PIK3R3: variants seen among roughly 807,000 people sequenced by gnomAD.
The protein encoded by PIK3R3 is phosphoinositide-3-kinase regulatory subunit 3, also known as phosphatidylinositol 3-kinase regulatory subunit gamma.
Under a neutral mutation model 62.9 loss-of-function variants are expected in PIK3R3, and 64 were observed. The ratio of observed to expected loss-of-function variants is 1.02; its 90% CI spans 0.83 to 1.25. PIK3R3 has a LOEUF of 1.25. Ranked by LOEUF, PIK3R3 falls within the 50% of genes most tolerant of loss-of-function variation. PIK3R3 has a pLI of 0.00. For missense variants in PIK3R3, 614 were observed against 561.6 expected, an observed-to-expected ratio of 1.09 and a Z score of -0.94; for synonymous variants, 165 against 189.0, an observed-to-expected ratio of 0.87 and a Z score of 1.04.
intron 1 of PIK3R3, among the ~76,000 whole-genome samples, chr1:46,088,960 A>AT (rs1651348578): frequency 6.6e-6 from 1 of 152,194 alleles, no homozygotes; most frequent in Non-Finnish European, 1.5e-5. Flanking sequence ...AACACTGAAG[A>AT]TAAACCTTCC....
the PIK3R3 span, among the ~76,000 whole-genome samples, chr1:46,173,521 C>T: frequency 6.6e-6 from 1 of 152,284 alleles, no homozygotes; most frequent in East Asian, 1.9e-4. Context: ...TCAGCTAACC[C>T]AGGCCCTTCC....
intron 7 of PIK3R3, among the ~76,000 whole-genome samples, chr1:46,052,262 A>G (rs1242789568): frequency 1.3e-5 from 2 of 152,218 alleles, no homozygotes; most frequent in Non-Finnish European, 2.9e-5. Flanking sequence ...TCACCTATCT[A>G]GACTGTGGCT....
At chr1:46,159,738 T>TACACACAC in the PIK3R3 span, among the ~76,000 whole-genome samples, 127 of 148,120 alleles carry the variant, frequency 8.6e-4, 1 homozygote, top group African/African-American at 3.1e-3. Flanking sequence ...ATGAGTACCA[T>TACACACAC]ACACACACAC....
the PIK3R3 span, among the ~76,000 whole-genome samples, chr1:46,149,034 C>T: frequency 2.0e-5 from 3 of 152,122 alleles, no homozygotes; most frequent in Admixed American, 2.0e-4. Context: ...AGTAAAGAAG[C>T]TGGCCAAAAC....
chr1:46,106,825 G>A (rs1222433765), intron 1 of PIK3R3, among the ~76,000 whole-genome samples: 2 of 152,056 alleles, frequency 1.3e-5, no homozygotes, highest in African/African-American at 4.8e-5. Context: ...GCCCAGGATG[G>A]AGTGCAATGG....
chr1:46,046,309 T>G (rs1707338), intron 8 of PIK3R3, among the ~76,000 whole-genome samples: 102,315 of 151,860 alleles, frequency 0.67, 34,716 homozygotes, highest in Non-Finnish European at 0.71. Flanking sequence ...TGCTTTTACA[T>G]CCAGATTTTG....
chr1:46,145,138 AAAG>A, the PIK3R3 span, among the ~76,000 whole-genome samples: 3,723 of 151,498 alleles, frequency 0.025, 82 homozygotes, highest in Non-Finnish European at 0.042. Flanking sequence ...AAAAAAAAAA[AAAG>A]AAGAAGACTG....
At chr1:46,120,132 T>C (rs1052432240) in intron 1 of PIK3R3, among the ~76,000 whole-genome samples, 1 of 152,190 alleles carries the variant, frequency 6.6e-6, no homozygotes, top group African/African-American at 2.4e-5. Flanking sequence ...CTTGCTACAC[T>C]AACACTATTC....
At chr1:46,094,314 A>G (rs1046277133) in intron 1 of PIK3R3, among the ~76,000 whole-genome samples, 2 of 152,218 alleles carry the variant, frequency 1.3e-5, no homozygotes, top group Non-Finnish European at 2.9e-5. Context: ...AGGAACAAAA[A>G]ATGAAGTGAA....
At chr1:46,077,714 A>G in intron 2 of PIK3R3, 101 bp from the exon 3 acceptor site, 1 of 709,792 alleles carries the variant, frequency 1.4e-6, no homozygotes, top group Non-Finnish European at 2.6e-6. Context: ...CAGCTTCGGC[A>G]GTAGGTGTGC....
chr1:46,164,260 A>C, the PIK3R3 span, among the ~76,000 whole-genome samples: 3,182 of 152,180 alleles, frequency 0.021, 105 homozygotes, highest in African/African-American at 0.07. Context: ...CCCAGGACCC[A>C]AGCTGGAAAT....
chr1:46,081,932 A>G (rs1650628578), intron 1 of PIK3R3, among the ~76,000 whole-genome samples: 1 of 152,166 alleles, frequency 6.6e-6, no homozygotes, highest in Admixed American at 6.5e-5. Flanking sequence ...GCATATCAAT[A>G]CAAATAATAA....
chr1:46,097,007 GA>G lies in PIK3R3; in HGVS notation c.107-16258del, dbSNP rs145494261. 6.5e-3 allele frequency among the ~76,000 whole-genome samples: 985 copies of G among 150,798 alleles called. 11 individuals are homozygous for G. Among genetic ancestry groups the G allele is most frequent in the African/African-American group, 0.023 (951 of 41,090 alleles). ...CAAACAAAAAAAAAAAAAACAGGAG[GA>G]AAAAACTACAGGCCAATATCCTTTA... On this transcript the variant is annotated intron_variant, in intron 1 of 9. Transcript: ENST00000262741.
chr1:46,057,886 G>C (rs1035129818), intron 6 of PIK3R3, among the ~76,000 whole-genome samples: 2 of 152,194 alleles, frequency 1.3e-5, no homozygotes, highest in Non-Finnish European at 1.5e-5. Context: ...CAAGCCGGCT[G>C]CAGAAATTTG....
At chr1:46,131,356 T>G (rs1655564338) in intron 1 of PIK3R3, among the ~76,000 whole-genome samples, 1 of 152,132 alleles carries the variant, frequency 6.6e-6, no homozygotes, top group South Asian at 2.1e-4. Context: ...AATAATCACA[T>G]AACTCAGTTT....
chr1:46,071,761 C>A (rs547099953), intron 3 of PIK3R3, among the ~76,000 whole-genome samples: 79 of 112,602 alleles, frequency 7.0e-4, no homozygotes, highest in African/African-American at 1.3e-3. Flanking sequence ...AGAGAGAGAG[C>A]GCGCGCCTGA....
the PIK3R3 span, among the ~76,000 whole-genome samples, chr1:46,173,585 G>A: frequency 6.6e-6 from 1 of 152,194 alleles, no homozygotes; most frequent in African/African-American, 2.4e-5. Flanking sequence ...GGGTGGGAGA[G>A]AGTGGGCTGC....
chr1:46,153,727 C>G, the PIK3R3 span, among the ~76,000 whole-genome samples: 3 of 152,236 alleles, frequency 2.0e-5, no homozygotes, highest in Non-Finnish European at 2.9e-5. Flanking sequence ...TCACTTCTCA[C>G]AGAGAGTGTA....
At chr1:46,127,956 G>A (rs1389490633) in intron 1 of PIK3R3, among the ~76,000 whole-genome samples, 2 of 152,126 alleles carry the variant, frequency 1.3e-5, no homozygotes, top group East Asian at 3.8e-4. Flanking sequence ...CTCCCATTTG[G>A]ATTCAACTTT....
Sources: gnomAD v4.1 joint callset for allele counts (sites outside exome capture counted in the v4.1 genomes callset) on GRCh38, gnomAD v4.1.1 for gene constraint, MANE v1.5 for transcripts, NCBI Gene and HGNC (gene_info 2026-07-23, HGNC 2026-07-21) for gene names.